PDE4A: variants seen among roughly 807,000 people sequenced by gnomAD.
PDE4A encodes the protein phosphodiesterase 4A, also known as 3',5'-cyclic-AMP phosphodiesterase 4A.
Under a neutral mutation model 73.9 loss-of-function variants are expected in PDE4A, and 21 were observed. That is an observed-to-expected ratio of 0.28 (90% CI 0.20 to 0.41). The LOEUF (loss-of-function observed/expected upper bound fraction) is 0.41. Ranked by LOEUF, PDE4A falls within the 10% of genes least tolerant of loss-of-function variation. The pLI is 1.00. For missense variants in PDE4A, 958 were observed against 1,211.4 expected (o/e 0.79, Z 3.10); for synonymous variants, 463 against 505.4 (o/e 0.92, Z 1.13).
Position 10,457,773 on chromosome 19 carries a change from C to G in PDE4A, c.878-106C>G, listed in dbSNP as rs749399181. 3.3e-6 allele frequency: 5 copies of G among 1,524,112 alleles called. No homozygotes were observed. In the East Asian group the frequency reaches 1.1e-4, roughly 35 times the overall value. The allele number at this position is 1,524,112 out of a possible 1,614,324, so 94.4% of individuals were successfully genotyped here. A position where few individuals can be genotyped will look rare whatever the true frequency, so the allele number is the denominator to read the frequency against. ...GGCATCACAGCTGAAAGGGTTCTGCCGTTTCGGGTGAGCCTTCCCCGTACG... is the reference window on the plus strand; with the variant it reads ...GGCATCACAGCTGAAAGGGTTCTGCGGTTTCGGGTGAGCCTTCCCCGTACG... On this transcript the variant is annotated intron_variant, in intron 7 of 14. Coordinates refer to ENST00000380702, the MANE Select transcript of PDE4A (RefSeq NM_001111307.2).
rs2042637222 is a variant in PDE4A, at chr19:10,420,668, A to G, written c.-97A>G. The G allele has an allele frequency of 1.5e-6, 2 of 1,365,550 alleles. No individual in the cohort carries two copies. Among genetic ancestry groups the G allele is most frequent in the African/African-American group, 1.5e-5 (1 of 64,830 alleles). 84.6% of individuals were successfully genotyped at this position (1,365,550 alleles called of 1,614,324 possible). On this transcript the variant is annotated 5_prime_UTR_variant, in exon 1 of 15. Coordinates refer to ENST00000380702, the MANE Select transcript of PDE4A (RefSeq NM_001111307.2). The surrounding 1 kb of genome is among the most constrained non-coding windows in gnomAD (Gnocchi z 6.0). ...CCATGGCCCTACCGCGGCCGGGCGCACCCGCGGGGCCCTGGGCTCGCTGGC... is the reference window on the plus strand; with the variant it reads ...CCATGGCCCTACCGCGGCCGGGCGCGCCCGCGGGGCCCTGGGCTCGCTGGC...
chr19:10,451,067 G>A, intron 6 of PDE4A, 126 bp downstream of exon 6: 1 of 942,414 alleles, frequency 1.1e-6, no homozygotes, highest in Non-Finnish European at 1.6e-6. Context: ...GGTTGTTCCT[G>A]TGGGCGGAGA....
At position 10,424,419 on chromosome 19, in the gene PDE4A, C is replaced by A. The variant is rs2042687716; in HGVS notation, c.320+3335C>A. ...CTGTCTCCACTTGGGTCCTCGCCTC[C>A]CCCTTGTCCCTGGCGCTCCCAAGTC... is the stretch of plus-strand genomic sequence containing the variant. On this transcript the variant is annotated intron_variant, in intron 1 of 14. Transcript: ENST00000380702. This position sits in a 1 kb window ranked among gnomAD's most constrained non-coding sequence, Gnocchi z 4.8. Among the ~76,000 whole-genome samples, 1 of 152,204 alleles carries A rather than the reference C, an allele frequency of 6.6e-6. No homozygotes were observed. Among genetic ancestry groups the A allele is most frequent in the Admixed American group, 6.5e-5 (1 of 15,282 alleles).
intron 1 of PDE4A, among the ~76,000 whole-genome samples, chr19:10,443,878 G>T (rs965578077): frequency 6.6e-6 from 1 of 151,192 alleles, no homozygotes; most frequent in African/African-American, 2.4e-5. Flanking sequence ...GTGGTGGCAG[G>T]TGCCTGTAAT....
At chr19:10,456,247 G>T (rs1470793974) in intron 7 of PDE4A, among the ~76,000 whole-genome samples, 1 of 151,856 alleles carries the variant, frequency 6.6e-6, no homozygotes, top group Non-Finnish European at 1.5e-5. Flanking sequence ...TAAAAACTAG[G>T]CCGGGCGCAG....
At chr19:10,451,926 T>A (rs1277660251) in intron 6 of PDE4A, among the ~76,000 whole-genome samples, 2 of 151,776 alleles carry the variant, frequency 1.3e-5, no homozygotes, top group Non-Finnish European at 2.9e-5. Flanking sequence ...TATAGGAACA[T>A]AGCAGTCTGA....
Position 10,467,150 on chromosome 19 carries a change from C to T in PDE4A, c.2190C>T (p.Ala730=), listed in dbSNP as rs368410997. The change falls in exon 15 of 15, where the codon GCC becomes GCT. Residue 730 remains alanine (A), a synonymous_variant. Coordinates refer to ENST00000380702, the MANE Select transcript of PDE4A (RefSeq NM_001111307.2). The stretch of plus-strand genomic sequence containing the variant: ...CAATGGCCCAGATACCGTGCACAGC[C>T]CAAGAGGCATTGACTGCGCAGGGAT... ...EISMAQIPCT[A]QEALTAQGLS... is the part of the protein sequence containing the mutation. The T allele has an allele frequency of 1.2e-5, 19 of 1,614,072 alleles. No homozygotes were observed. Among genetic ancestry groups the T allele is most frequent in the Admixed American group, 5.0e-5 (3 of 59,994 alleles).
Position 10,458,111 on chromosome 19 carries a change from G to A in PDE4A, c.1101+9G>A. On this transcript the variant is annotated intron_variant, in intron 8 of 14. Coordinates refer to ENST00000380702, the MANE Select transcript of PDE4A (RefSeq NM_001111307.2). The surrounding 1 kb of genome is among the most constrained non-coding windows in gnomAD (Gnocchi z 4.6). Reference sequence around the variant, plus strand: ...AAGAGCTCCTGGCCCAAGTGGGTGGGGGCTCAGTAGGGGCAGGGCTGGAGG... The same window carrying A: ...AAGAGCTCCTGGCCCAAGTGGGTGGAGGCTCAGTAGGGGCAGGGCTGGAGG... 1 of 1,613,270 alleles carries A rather than the reference G, an allele frequency of 6.2e-7. No individual in the cohort carries two copies. Among genetic ancestry groups the A allele is most frequent in the South Asian group, 1.1e-5 (1 of 91,064 alleles).
chr19:10,450,869 G>T lies in PDE4A; in HGVS notation c.711G>T (p.Glu237Asp). 6.2e-7 allele frequency: 1 copy of T among 1,612,166 alleles called. No homozygotes were observed. Among genetic ancestry groups the T allele is most frequent in the South Asian group, 1.1e-5 (1 of 90,504 alleles). ...AGTTGGCCCGGGAGACTCTGGAGGA[G>T]CTGGACTGGTGTCTGGAGCAGCTGG... ...CQQLARETLE[E>D]LDWCLEQLET... is the part of the protein sequence containing the mutation. The change falls in exon 6 of 15, where the codon GAG (glutamate) becomes GAT (aspartate). Residue 237 changes from glutamate (E) to aspartate (D), a missense_variant. This residue lies in a region of PDE4A where 570 missense variants were observed against 827.7 expected (regional missense o/e 0.69). Transcript: ENST00000380702.
intron 7 of PDE4A, 89 bp from the exon 8 acceptor site, chr19:10,457,789 TC>T: frequency 6.4e-7 from 1 of 1,553,216 alleles, no homozygotes; most frequent in South Asian, 1.2e-5. Flanking sequence ...GGGTGAGCCT[TC>T]CCCGTACGTG....
At chr19:10,428,089 C>T (rs937625462) in intron 1 of PDE4A, among the ~76,000 whole-genome samples, 3 of 151,842 alleles carry the variant, frequency 2.0e-5, no homozygotes, top group Non-Finnish European at 4.4e-5. Flanking sequence ...TGGTGGCTCA[C>T]GCCTGTAATC....
At chr19:10,421,665 AT>A (rs1239922794) in intron 1 of PDE4A, among the ~76,000 whole-genome samples, 1 of 152,018 alleles carries the variant, frequency 6.6e-6, no homozygotes, top group Non-Finnish European at 1.5e-5. Context: ...CTTGCGTTAG[AT>A]TGGAGTTCCC....
Position 10,469,138 on chromosome 19 carries a change from G to C in PDE4A, c.*1517G>C, listed in dbSNP as rs2043434409. On this transcript the variant is annotated 3_prime_UTR_variant, in exon 15 of 15. Transcript: ENST00000380702. ...TTTTGTCCCAGCCGGCGATCGGAGT[G>C]GGCCTTTTCTTTCTTTTTGTTCATT... The C allele has an allele frequency of 6.6e-6, 1 of 152,466 alleles. No homozygotes were observed. The allele number at this position is 152,466 out of a possible 1,614,324, so 9.4% of individuals were successfully genotyped here. A position where few individuals can be genotyped will look rare whatever the true frequency, so the allele number is the denominator to read the frequency against.
intron 2 of PDE4A, among the ~76,000 whole-genome samples, chr19:10,447,061 G>T (rs938120552): frequency 2.0e-5 from 3 of 150,704 alleles, no homozygotes; most frequent in Non-Finnish European, 3.0e-5. Flanking sequence ...ACCATGCCTG[G>T]CTAATTTTTT....
intron 6 of PDE4A, among the ~76,000 whole-genome samples, 198 bp downstream of exon 6, chr19:10,451,139 G>A (rs190380283): frequency 6.1e-4 from 93 of 152,196 alleles, no homozygotes; most frequent in African/African-American, 2.2e-3. Context: ...GGTGGAGCTG[G>A]GCCCTATGGA....
intron 1 of PDE4A, chr19:10,428,920 G>A (rs2042751758): frequency 1.0e-6 from 1 of 972,132 alleles, no homozygotes; most frequent in African/African-American, 1.8e-5. Context: ...TGGCCAACAT[G>A]GTGAAACCCC....
upstream of PDE4A, chr19:10,417,583 G>A (rs2042600039): frequency 1.3e-6 from 2 of 1,497,342 alleles, no homozygotes; most frequent in Admixed American, 4.1e-5. Context: ...AGACAGCTAG[G>A]TAGGGGTGTT....
At position 10,467,424 on chromosome 19, in the gene PDE4A, C is replaced by G. The variant is rs1186394888; in HGVS notation, c.2464C>G (p.Pro822Ala). The change falls in exon 15 of 15, where the codon CCT (proline) becomes GCT (alanine). Residue 822 changes from proline to alanine, a missense_variant. By Grantham distance (27) the Pro-to-Ala change is conservative (BLOSUM62 -1). Coordinates refer to ENST00000380702, the MANE Select transcript of PDE4A (RefSeq NM_001111307.2). ...SALALQSPLL[P>A]AWRTLSVSEH... ...CCTGGCTCTTCAAAGCCCCCTTCTC[C>G]CTGCTTGGAGGACCCTGTCTGTTTC... The G allele has an allele frequency of 4.3e-6, 7 of 1,613,798 alleles. No homozygotes were observed. In the Admixed American group the frequency reaches 1.2e-4, roughly 27 times the overall value.
chr19:10,430,327 G>A (rs1263947394), intron 1 of PDE4A, among the ~76,000 whole-genome samples: 3 of 151,694 alleles, frequency 2.0e-5, no homozygotes, highest in African/African-American at 4.8e-5. Flanking sequence ...TAGGATTATG[G>A]GGGCATCTGG....
Sources: allele counts gnomAD v4.1 joint callset (sites outside exome capture counted in the v4.1 genomes callset), GRCh38; gene constraint gnomAD v4.1.1; regional missense constraint gnomAD v4.1.1; non-coding constraint Gnocchi (gnomAD v3.1); transcripts MANE v1.5; gene names NCBI Gene and HGNC (gene_info 2026-07-23, HGNC 2026-07-21).